KCNAB1: variants seen among roughly 807,000 people sequenced by gnomAD.
The protein encoded by KCNAB1 is potassium voltage-gated channel subfamily A regulatory beta subunit 1, also known as voltage-gated potassium channel subunit beta-1.
KCNAB1 carries 35 observed loss-of-function variants against 64.6 expected under a neutral mutation model. The ratio of observed to expected loss-of-function variants is 0.54; its 90% CI spans 0.41 to 0.72. The LOEUF is 0.72. Ranked by LOEUF, KCNAB1 falls within the 30% of genes least tolerant of loss-of-function variation. KCNAB1 has a pLI of 0.00. For synonymous variants in KCNAB1, 177 were observed against 183.8 expected (o/e 0.96, Z 0.30); for missense variants, 401 against 512.9 (o/e 0.78, Z 2.11).
At chr3:156,280,723 T>C (rs1194420335) in intron 1 of KCNAB1, among the ~76,000 whole-genome samples, 1 of 151,526 alleles carries the variant, frequency 6.6e-6, no homozygotes, top group East Asian at 1.9e-4. Flanking sequence ...TTATTCTCTT[T>C]GAAGCAATTG....
intron 1 of KCNAB1, among the ~76,000 whole-genome samples, chr3:156,300,677 T>A (rs1721094130): frequency 6.6e-6 from 1 of 151,524 alleles, no homozygotes; most frequent in African/African-American, 2.4e-5. Context: ...TGTAAAACAT[T>A]AAAAAAAAAT....
chr3:156,380,878 C>T (rs903925248), intron 1 of KCNAB1, among the ~76,000 whole-genome samples: 7 of 152,000 alleles, frequency 4.6e-5, no homozygotes, highest in African/African-American at 1.7e-4. Flanking sequence ...CAACTAAACT[C>T]ACTATAACAG....
At chr3:156,205,657 C>G (rs1714613399) in intron 1 of KCNAB1, among the ~76,000 whole-genome samples, 1 of 152,174 alleles carries the variant, frequency 6.6e-6, no homozygotes, top group Non-Finnish European at 1.5e-5. Context: ...CCGCTCCTTC[C>G]TCTGCACTGA....
chr3:156,229,517 T>C lies in KCNAB1; in HGVS notation c.275+108631T>C, dbSNP rs184821679. Among the ~76,000 whole-genome samples the C allele has an allele frequency of 3.5e-4, 54 of 152,304 alleles. 1 individual carries two copies. In the East Asian group the frequency reaches 0.01, roughly 28 times the overall value. On this transcript the variant is annotated intron_variant, in intron 1 of 13. Coordinates refer to ENST00000490337, the MANE Select transcript of KCNAB1 (RefSeq NM_172160.3). ...ATATTATGTGGTTACAGATAAAAGATGGAACACAATTATGTTGGATGCATT... is the reference window on the plus strand; with the variant it reads ...ATATTATGTGGTTACAGATAAAAGACGGAACACAATTATGTTGGATGCATT...
intron 1 of KCNAB1, 37 bp downstream of exon 1, chr3:156,120,923 G>A (rs1560096004): frequency 7.5e-6 from 12 of 1,604,256 alleles, no homozygotes; most frequent in Non-Finnish European, 9.4e-6. Flanking sequence ...TTTGGGAGAC[G>A]CCGTTCGAAG....
chr3:156,461,103 C>T lies in KCNAB1; in HGVS notation c.482+1232C>T, dbSNP rs368962462. Among the ~76,000 whole-genome samples, 24 of 148,296 alleles carry T rather than the reference C, an allele frequency of 1.6e-4. No homozygotes were observed. In the East Asian group the frequency reaches 2.1e-3, roughly 13 times the overall value. On this transcript the variant is annotated intron_variant, in intron 5 of 13. Transcript: ENST00000490337. ...TGTTCCCACTCAGTCCTTCACCTTG[C>T]CTGAGTTACTTTCCCACTCAGAGTA...
intron 1 of KCNAB1, among the ~76,000 whole-genome samples, chr3:156,372,655 A>G (rs966572872): frequency 2.0e-5 from 3 of 152,226 alleles, no homozygotes; most frequent in Admixed American, 1.3e-4. Context: ...TATCATTTAT[A>G]AGCTTTTGCC....
chr3:156,215,188 T>G (rs4530487), intron 1 of KCNAB1, among the ~76,000 whole-genome samples: 89,479 of 152,060 alleles, frequency 0.59, 27,034 homozygotes, highest in East Asian at 0.9. Context: ...AAAGAGAAGC[T>G]ATGGAAGTTA....
chr3:156,273,581 G>A (rs972230852), intron 1 of KCNAB1: 1 of 456,524 alleles, frequency 2.2e-6, no homozygotes, highest in African/African-American at 2.0e-5. Context: ...CCATGCAGCT[G>A]CTGCTGTGGG....
chr3:156,148,041 A>G (rs1459856385), intron 1 of KCNAB1, among the ~76,000 whole-genome samples: 1 of 151,794 alleles, frequency 6.6e-6, no homozygotes, highest in African/African-American at 2.4e-5. Flanking sequence ...TGCTCTGTCT[A>G]CTTTTCCAGG....
chr3:156,292,138 T>C lies in KCNAB1; in HGVS notation c.276-129478T>C, dbSNP rs1185426842. 3.1e-6 allele frequency: 5 copies of C among 1,613,288 alleles called. No individual in the cohort carries two copies. In the Admixed American group the frequency reaches 8.3e-5, roughly 27 times the overall value. ...CTGGCATGAAATATAGGTATGCACG[T>C]AAGATTCCCTCTGTGCGGGGTATCC... is the stretch of plus-strand genomic sequence containing the variant. On this transcript the variant is annotated intron_variant, in intron 1 of 13. Transcript: ENST00000490337.
intron 1 of KCNAB1, among the ~76,000 whole-genome samples, chr3:156,256,890 G>A (rs1718130949): frequency 6.6e-6 from 1 of 152,154 alleles, no homozygotes; most frequent in Admixed American, 6.5e-5. Context: ...TTCTTCCTGT[G>A]GGCTGGCTAT....
chr3:156,482,713 A>G (rs942062966), intron 8 of KCNAB1, among the ~76,000 whole-genome samples: 1 of 152,086 alleles, frequency 6.6e-6, no homozygotes, highest in Non-Finnish European at 1.5e-5. Context: ...TGTAGAACGT[A>G]GGTAATAATA....
At chr3:156,473,671 A>G (rs926015818) in intron 7 of KCNAB1, among the ~76,000 whole-genome samples, 2 of 152,218 alleles carry the variant, frequency 1.3e-5, no homozygotes, top group African/African-American at 2.4e-5. Context: ...TTTTCCTGTC[A>G]GAAAAGTAAT....
chr3:156,335,089 G>A (rs1275319453), intron 1 of KCNAB1, among the ~76,000 whole-genome samples: 1 of 152,212 alleles, frequency 6.6e-6, no homozygotes, highest in African/African-American at 2.4e-5. Context: ...TTGCATGACA[G>A]ACAGTGCCCT....
intron 1 of KCNAB1, among the ~76,000 whole-genome samples, chr3:156,398,356 G>A (rs1163533710): frequency 2.0e-5 from 3 of 152,166 alleles, no homozygotes; most frequent in African/African-American, 7.2e-5. Flanking sequence ...ACTTTGGGAG[G>A]CCGAGGCGGG....
Position 156,295,528 on chromosome 3 carries a change from C to T in KCNAB1, c.276-126088C>T, listed in dbSNP as rs543393146. On this transcript the variant is annotated intron_variant, in intron 1 of 13. Coordinates refer to ENST00000490337, the MANE Select transcript of KCNAB1 (RefSeq NM_172160.3). ...ATGCTTAAAGGCACTATTATATTCACACCATCATTGTATAAGAATATTGCA... is the reference window on the plus strand; with the variant it reads ...ATGCTTAAAGGCACTATTATATTCATACCATCATTGTATAAGAATATTGCA... 2.6e-5 allele frequency among the ~76,000 whole-genome samples: 4 copies of T among 152,312 alleles called. No individual in the cohort carries two copies. In the South Asian group the frequency reaches 8.3e-4, roughly 32 times the overall value.
At chr3:156,366,388 T>C (rs1725948387) in intron 1 of KCNAB1, among the ~76,000 whole-genome samples, 1 of 152,220 alleles carries the variant, frequency 6.6e-6, no homozygotes, top group African/African-American at 2.4e-5. Context: ...AAGGACATTG[T>C]TTGCTTTGTT....
Position 156,536,772 on chromosome 3 carries a change from G to T in KCNAB1, c.*25G>T. 6.6e-7 allele frequency: 1 copy of T among 1,513,594 alleles called. No individual in the cohort carries two copies. The highest frequency in any genetic ancestry group is 1.1e-5 in the South Asian group (1 of 89,126). 93.8% of individuals were successfully genotyped at this position (1,513,594 alleles called of 1,614,324 possible). On this transcript the variant is annotated 3_prime_UTR_variant, in exon 14 of 14. Transcript: ENST00000490337. ...AGGCAATGCATGAACCACAGAAGCTGCATGGTTAAAATAGCGGCCTGTGCC... is the reference window on the plus strand; with the variant it reads ...AGGCAATGCATGAACCACAGAAGCTTCATGGTTAAAATAGCGGCCTGTGCC...
Sources: allele counts gnomAD v4.1 joint callset (sites outside exome capture counted in the v4.1 genomes callset), GRCh38; gene constraint gnomAD v4.1.1; transcripts MANE v1.5; gene names NCBI Gene and HGNC (gene_info 2026-07-23, HGNC 2026-07-21).